HS6ST3: variants seen among roughly 807,000 people sequenced by gnomAD.
The protein encoded by HS6ST3 is heparan-sulfate 6-O-sulfotransferase 3.
HS6ST3 carries 12 observed loss-of-function variants against 36.7 expected under a neutral mutation model. That is an observed-to-expected ratio of 0.33 (90% CI 0.21 to 0.53). HS6ST3 has a LOEUF of 0.53. Ranked by LOEUF, HS6ST3 falls within the 20% of genes least tolerant of loss-of-function variation. The pLI is 0.95. For synonymous variants in HS6ST3, 240 were observed against 257.5 expected (o/e 0.93, Z 0.65); for missense variants, 584 against 640.9 (o/e 0.91, Z 0.96).
At chr13:96,718,214 T>C (rs1321457116) in intron 1 of HS6ST3, among the ~76,000 whole-genome samples, 1 of 152,178 alleles carries the variant, frequency 6.6e-6, no homozygotes, top group Admixed American at 6.5e-5. Context: ...TTTATGTCTA[T>C]CTCCCCCACA....
chr13:96,655,961 G>T (rs995064965), intron 1 of HS6ST3, among the ~76,000 whole-genome samples: 1 of 152,098 alleles, frequency 6.6e-6, no homozygotes, highest in Non-Finnish European at 1.5e-5. Flanking sequence ...CATTTTCATT[G>T]TTATTATGAT....
intron 1 of HS6ST3, among the ~76,000 whole-genome samples, chr13:96,385,007 C>A (rs1482078597): frequency 6.6e-6 from 1 of 151,824 alleles, no homozygotes; most frequent in Non-Finnish European, 1.5e-5. Flanking sequence ...TGGAGAAACC[C>A]CATCTCTACT....
chr13:96,835,605 A>ACACACACACACT lies in HS6ST3; in HGVS notation c.*2418_*2419insTCACACACACAC, dbSNP rs1491200341. 1.7e-3 allele frequency: 24 copies of ACACACACACACT among 14,508 alleles called. No homozygotes were observed. The highest frequency in any genetic ancestry group is 5.5e-3 in the African/African-American group (24 of 4,370). The allele number at this position is 14,508 out of a possible 1,614,324, so 0.9% of individuals were successfully genotyped here. The stretch of plus-strand genomic sequence containing the variant: ...AATTATCCTTCTGCCTGCCCCTGTG[A>ACACACACACACT]CACACACACACACACACACACACAC... On this transcript the variant is annotated 3_prime_UTR_variant, in exon 2 of 2. Transcript: ENST00000376705.
intron 1 of HS6ST3, among the ~76,000 whole-genome samples, chr13:96,755,350 TTTTTTGTTTTTG>T (rs751855286): frequency 2.8e-4 from 43 of 151,336 alleles, no homozygotes; most frequent in African/African-American, 8.1e-4. Flanking sequence ...GTTTTTTTGT[TTTTTTGTTTTTG>T]TTTTTGTTTT....
At chr13:96,323,364 A>C (rs2055014346) in intron 1 of HS6ST3, among the ~76,000 whole-genome samples, 1 of 152,104 alleles carries the variant, frequency 6.6e-6, no homozygotes, top group South Asian at 2.1e-4. Context: ...GATACCTCAG[A>C]CTCAACCTTT....
rs185929499 is a variant in HS6ST3 at position 96,734,155 on chromosome 13, C to T, written c.708-98335C>T. On this transcript the variant is annotated intron_variant, in intron 1 of 1. Coordinates refer to ENST00000376705, the MANE Select transcript of HS6ST3 (RefSeq NM_153456.4). ...TCAGACCCCAAGCTCCATGAGGACA[C>T]GAACCAGATCTGTCATTTCAGTGCA... 7.6e-4 allele frequency among the ~76,000 whole-genome samples: 115 copies of T among 152,314 alleles called. No homozygotes were observed. The East Asian group carries it at 8.7e-3, about 11-fold the overall frequency.
intron 1 of HS6ST3, among the ~76,000 whole-genome samples, chr13:96,476,783 TTAA>T (rs2055866414): frequency 6.6e-6 from 1 of 152,138 alleles, no homozygotes; most frequent in African/African-American, 2.4e-5. Flanking sequence ...GTTTATGCTG[TTAA>T]TGATGGGAAA....
At chr13:96,821,047 T>C (rs1293544930) in intron 1 of HS6ST3, among the ~76,000 whole-genome samples, 1 of 152,258 alleles carries the variant, frequency 6.6e-6, no homozygotes, top group Non-Finnish European at 1.5e-5. Context: ...TAAAAATGAA[T>C]GCAACTGCAA....
chr13:96,745,799 C>T (rs996891826), intron 1 of HS6ST3, among the ~76,000 whole-genome samples: 2 of 152,054 alleles, frequency 1.3e-5, no homozygotes, highest in Admixed American at 6.6e-5. Context: ...CAACATTACT[C>T]TTATAGCCAA....
chr13:96,655,725 T>C (rs2056622400), intron 1 of HS6ST3, among the ~76,000 whole-genome samples: 1 of 152,086 alleles, frequency 6.6e-6, no homozygotes, highest in Non-Finnish European at 1.5e-5. Flanking sequence ...ACTGATCTTG[T>C]CCCTTCCATA....
At chr13:96,329,559 A>G (rs2055053222) in intron 1 of HS6ST3, among the ~76,000 whole-genome samples, 1 of 142,172 alleles carries the variant, frequency 7.0e-6, no homozygotes, top group Admixed American at 6.9e-5. Flanking sequence ...GTTTGTTATA[A>G]TCTCTGTTCT....
At chr13:96,576,059 T>G (rs897698846) in intron 1 of HS6ST3, among the ~76,000 whole-genome samples, 4 of 152,140 alleles carry the variant, frequency 2.6e-5, no homozygotes, top group Non-Finnish European at 5.9e-5. Flanking sequence ...CAGAAGAGCT[T>G]TTGCATTTTC....
intron 1 of HS6ST3, among the ~76,000 whole-genome samples, chr13:96,634,350 C>T (rs1335796071): frequency 1.3e-5 from 2 of 152,176 alleles, no homozygotes; most frequent in African/African-American, 4.8e-5. Flanking sequence ...TCAGTAAAAG[C>T]TCACATCGGA....
At chr13:96,361,481 T>A (rs553538323) in intron 1 of HS6ST3, among the ~76,000 whole-genome samples, 2 of 152,350 alleles carry the variant, frequency 1.3e-5, no homozygotes, top group South Asian at 4.1e-4. Context: ...GTTTGTATCC[T>A]AATTCACATC....
chr13:96,281,725 C>A (rs2054776942), intron 1 of HS6ST3, among the ~76,000 whole-genome samples: 1 of 152,052 alleles, frequency 6.6e-6, no homozygotes, highest in Admixed American at 6.6e-5. Context: ...GGCATATTTC[C>A]AAAAAGAGAA....
chr13:96,499,785 A>C (rs1429864098), intron 1 of HS6ST3, among the ~76,000 whole-genome samples: 2 of 152,102 alleles, frequency 1.3e-5, no homozygotes, highest in African/African-American at 4.8e-5. Flanking sequence ...GAGGGAGATG[A>C]GGCCCAAGTG....
intron 1 of HS6ST3, among the ~76,000 whole-genome samples, chr13:96,264,618 C>T (rs1594736869): frequency 6.6e-6 from 1 of 152,268 alleles, no homozygotes; most frequent in Non-Finnish European, 1.5e-5. Context: ...AACAAAGTAT[C>T]TAATCAACTC....
At chr13:96,728,070 C>T (rs1876050756) in intron 1 of HS6ST3, among the ~76,000 whole-genome samples, 1 of 152,068 alleles carries the variant, frequency 6.6e-6, no homozygotes, top group South Asian at 2.1e-4. Context: ...TTTTTGAAGG[C>T]AAGAACAATG....
rs954329543 is a variant in HS6ST3, at chr13:96,833,399, T to C, written c.*201T>C. ...TCTTTTTTTTCTTGACATTTTGCAA[T>C]TGGTGATATTAAGTAGGGTAGGAGT... On this transcript the variant is annotated 3_prime_UTR_variant, in exon 2 of 2. Transcript: ENST00000376705. 27 of 571,788 alleles carry C rather than the reference T, an allele frequency of 4.7e-5. No homozygotes were observed. Among genetic ancestry groups the C allele is most frequent in the Non-Finnish European group, 6.1e-5 (20 of 329,978 alleles). 35.4% of individuals were successfully genotyped at this position (571,788 alleles called of 1,614,324 possible).
Sources: allele counts gnomAD v4.1 joint callset (sites outside exome capture counted in the v4.1 genomes callset), GRCh38; gene constraint gnomAD v4.1.1; transcripts MANE v1.5; gene names NCBI Gene and HGNC (gene_info 2026-07-23, HGNC 2026-07-21).